The following FGF13 variants were observed in gnomAD, a reference collection of about 807,000 sequenced individuals.
FGF13 encodes the protein fibroblast growth factor 13, also known as fibroblast growth factor homologous factor 2.
Under a neutral mutation model 19.5 loss-of-function variants are expected in FGF13, and 2 were observed. That is an observed-to-expected ratio of 0.10 (90% confidence interval 0.04 to 0.32). The LOEUF (loss-of-function observed/expected upper bound fraction) is 0.32, where lower values mean the gene tolerates loss of function less well. Among genes scored for constraint, FGF13 ranks in the 10% least tolerant of loss-of-function variants. FGF13 has a pLI of 1.00. For synonymous variants in FGF13, 72 were observed against 76.9 expected (o/e 0.94, Z 0.33); for missense variants, 113 against 192.7 (o/e 0.59, Z 2.45).
chrX:138,933,972 A>T (rs2124263574), intron 1 of FGF13, among the ~76,000 whole-genome samples: 1 of 112,600 alleles, frequency 8.9e-6, no homozygotes, highest in East Asian at 2.8e-4. Context: ...AAAACTACAG[A>T]TGATTTTAAT....
chrX:139,052,742 T>C (rs2092306448), intron 1 of FGF13, among the ~76,000 whole-genome samples: 1 of 112,507 alleles, frequency 8.9e-6, no homozygotes, highest in Non-Finnish European at 1.9e-5. Flanking sequence ...ACTGGCCTAC[T>C]TTTGCTTTGA....
At chrX:138,865,115 T>G (rs2091310240) in intron 1 of FGF13, among the ~76,000 whole-genome samples, 2 of 111,750 alleles carry the variant, frequency 1.8e-5, no homozygotes, top group African/African-American at 6.5e-5. Flanking sequence ...ATACTTAGAT[T>G]GGAGAACGAC....
chrX:139,049,463 C>A (rs1352324252), intron 1 of FGF13, among the ~76,000 whole-genome samples: 1 of 112,308 alleles, frequency 8.9e-6, no homozygotes, highest in Non-Finnish European at 1.9e-5. Flanking sequence ...CTCTGCCCAA[C>A]AGTCAACCTG....
intron 1 of FGF13, among the ~76,000 whole-genome samples, chrX:138,939,904 A>T (rs760174246): frequency 7.9e-4 from 88 of 111,618 alleles, no homozygotes; most frequent in Non-Finnish European, 1.4e-3. Context: ...CTTTATGGTA[A>T]AACAAATTAT....
chrX:138,880,906 G>A (rs952473392), intron 1 of FGF13, among the ~76,000 whole-genome samples: 1 of 111,396 alleles, frequency 9.0e-6, no homozygotes, highest in African/African-American at 3.3e-5. Flanking sequence ...GGTCTATATA[G>A]GAGGCCCTTG....
chrX:139,197,444 G>T (rs2084380810), intron 1 of FGF13, among the ~76,000 whole-genome samples: 1 of 112,548 alleles, frequency 8.9e-6, no homozygotes, highest in Non-Finnish European at 1.9e-5. Context: ...ATTAAAGGAT[G>T]AATGAAACAT....
rs761746655 is a variant in FGF13 at position 138,616,840 on chromosome X, A to C, written c.*16010T>G. ...CCCAACACCATGTGTAAGCTGCCAA[A>C]GCTTGGGGATTGCACTCTCTGAAAC... On this transcript the variant is annotated 3_prime_UTR_variant, in exon 5 of 5. Coordinates refer to ENST00000315930, the MANE Select transcript of FGF13 (RefSeq NM_004114.5). 8.9e-6 allele frequency: 1 copy of C among 112,168 alleles called. No individual in the cohort carries two copies. Among genetic ancestry groups the C allele is most frequent in the African/African-American group, 3.2e-5 (1 of 30,861 alleles). 9.2% of individuals were successfully genotyped at this position (112,168 alleles called of 1,213,427 possible). A position where few individuals can be genotyped will look rare whatever the true frequency, so the allele number is the denominator to read the frequency against.
chrX:138,931,065 T>A (rs373528267), intron 1 of FGF13, among the ~76,000 whole-genome samples: 1 of 112,770 alleles, frequency 8.9e-6, no homozygotes, highest in East Asian at 2.8e-4. Context: ...TTTTCTACCA[T>A]AATCAGAATT....
chrX:138,750,971 A>G (rs1051360001), intron 3 of FGF13, among the ~76,000 whole-genome samples: 1 of 111,201 alleles, frequency 9.0e-6, no homozygotes, highest in Non-Finnish European at 1.9e-5. Context: ...AAGGTAAAAG[A>G]CAAAGTAGAA....
chrX:139,034,826 T>A (rs1052557299), intron 1 of FGF13, among the ~76,000 whole-genome samples: 1 of 112,180 alleles, frequency 8.9e-6, no homozygotes, highest in Non-Finnish European at 1.9e-5. Flanking sequence ...CTTTTTAAAT[T>A]TCCTTTTTCT....
chrX:138,825,811 G>A, intron 3 of FGF13, among the ~76,000 whole-genome samples: 1 of 111,990 alleles, frequency 8.9e-6, no homozygotes, highest in Non-Finnish European at 1.9e-5. Flanking sequence ...TTTTTCAGTG[G>A]CAGTATGACA....
chrX:139,169,497 T>G (rs938545103), intron 1 of FGF13, among the ~76,000 whole-genome samples: 1 of 109,960 alleles, frequency 9.1e-6, no homozygotes, highest in East Asian at 2.9e-4. Context: ...AGAGACAGGA[T>G]CTTGCTCTGT....
chrX:138,935,156 G>A lies in FGF13; in HGVS notation c.-112-70506C>T, dbSNP rs751094688. Among the ~76,000 whole-genome samples, 6 of 110,786 alleles carry A rather than the reference G, an allele frequency of 5.4e-5. No individual in the cohort carries two copies. In the South Asian group the frequency reaches 1.2e-3, roughly 21 times the overall value. ...CTCTTTGCAGGAAACTTTGTTGGGC[G>A]GCCCCTTCAATGGGTCAGGGCCTCT... On this transcript the variant is annotated intron_variant, in intron 1 of 2. Transcript: ENST00000421460.
At chrX:138,971,576 G>A (rs978233295) in intron 1 of FGF13, among the ~76,000 whole-genome samples, 1 of 110,824 alleles carries the variant, frequency 9.0e-6, no homozygotes. Flanking sequence ...TTATTTTTAA[G>A]GTATATTTTC....
intron 3 of FGF13, among the ~76,000 whole-genome samples, chrX:138,825,675 G>A (rs893352923): frequency 2.7e-5 from 3 of 111,464 alleles, no homozygotes; most frequent in African/African-American, 3.3e-5. Context: ...TTTCTCATTC[G>A]CAAAATGAGC....
intron 1 of FGF13, chrX:138,739,118 G>A (rs2090301522): frequency 6.4e-6 from 3 of 465,230 alleles, no homozygotes; most frequent in Non-Finnish European, 1.1e-5. Flanking sequence ...GTCCCATCCA[G>A]AACGAAAAAT....
intron 1 of FGF13, among the ~76,000 whole-genome samples, chrX:138,895,341 G>A (rs1017827430): frequency 2.7e-5 from 3 of 112,037 alleles, no homozygotes; most frequent in South Asian, 3.7e-4. Context: ...TATCTAAAAT[G>A]TATAGGGAAT....
chrX:138,768,168 C>CT (rs1198942844), intron 3 of FGF13, among the ~76,000 whole-genome samples: 2 of 112,324 alleles, frequency 1.8e-5, no homozygotes, highest in African/African-American at 6.5e-5. Context: ...CATGGTCACT[C>CT]TTTCAGGCCT....
intron 1 of FGF13, among the ~76,000 whole-genome samples, chrX:139,016,911 AAAGT>A (rs2124379770): frequency 9.0e-6 from 1 of 111,494 alleles, no homozygotes; most frequent in East Asian, 2.8e-4. Flanking sequence ...TCTTTCAGTC[AAAGT>A]AATATTTTAT....
Sources: allele counts gnomAD v4.1 joint callset (sites outside exome capture counted in the v4.1 genomes callset), GRCh38; gene constraint gnomAD v4.1.1; transcripts MANE v1.5; gene names NCBI Gene and HGNC (gene_info 2026-07-23, HGNC 2026-07-21).